Variants in PUM3 observed in about 807,000 individuals in gnomAD.
PUM3 encodes pumilio homolog 3.
In PUM3, 91 loss-of-function variants were observed where a neutral mutation model predicts 84.0. That is an observed-to-expected ratio of 1.08 (90% CI 0.91 to 1.29). PUM3 has a LOEUF of 1.29. Ranked by LOEUF, PUM3 falls within the 50% of genes most tolerant of loss-of-function variation. The probability of loss-of-function intolerance (pLI) is 0.00; values close to 1 mark genes in which losing one functional copy is unlikely to be tolerated. For missense variants in PUM3, 1,067 were observed against 767.5 expected (o/e 1.39, Z -4.61); for synonymous variants, 321 against 266.7 (o/e 1.20, Z -1.98).
chr9:2,840,954 A>G (rs571428641), intron 1 of PUM3, among the ~76,000 whole-genome samples: 2 of 152,234 alleles, frequency 1.3e-5, no homozygotes, highest in Non-Finnish European at 2.9e-5. Context: ...CAGATTCAGG[A>G]AACACATATA....
At chr9:2,810,653 C>T (rs143176292) in intron 15 of PUM3, among the ~76,000 whole-genome samples, 69 of 152,324 alleles carry the variant, frequency 4.5e-4, no homozygotes, top group African/African-American at 1.3e-3. Flanking sequence ...CCAGATAACA[C>T]AGCCACGGCA....
At chr9:2,828,152 G>A (rs148341733) in intron 9 of PUM3, among the ~76,000 whole-genome samples, 1 of 152,100 alleles carries the variant, frequency 6.6e-6, no homozygotes, top group Admixed American at 6.5e-5. Flanking sequence ...TGAGCCTCCT[G>A]CCTCTCAGCC....
chr9:2,811,670 A>G, intron 14 of PUM3, 87 bp from the exon 15 acceptor site: 1 of 884,314 alleles, frequency 1.1e-6, no homozygotes, highest in Non-Finnish European at 1.8e-6. Context: ...CTAAGAGCTT[A>G]TCACAGACTG....
chr9:2,811,477 C>T lies in PUM3; in HGVS notation c.1519G>A (p.Ala507Thr), dbSNP rs773006241. The change falls in exon 15 of 18, where the codon GCG (alanine) becomes ACG (threonine). Residue 507 changes from alanine (A) to threonine (T), a missense_variant. Physicochemically the swap from Ala to Thr is moderately conservative, Grantham distance 58. Coordinates refer to ENST00000397885, the MANE Select transcript of PUM3 (RefSeq NM_014878.5). ...HAQEVVLDKS[A>T]CVLVSDILGS... ...AGAATGTCAGACACCAACACACACGCAGACTTATCTAGCACCACTTCTTGG... is the reference window on the plus strand; with the variant it reads ...AGAATGTCAGACACCAACACACACGTAGACTTATCTAGCACCACTTCTTGG... The T allele has an allele frequency of 3.5e-5, 56 of 1,614,066 alleles. No individual in the cohort carries two copies. Among genetic ancestry groups the T allele is most frequent in the Admixed American group, 6.7e-5 (4 of 60,006 alleles).
chr9:2,823,604 C>T (rs904931788), intron 12 of PUM3, among the ~76,000 whole-genome samples, 177 bp downstream of exon 12: 3 of 152,046 alleles, frequency 2.0e-5, no homozygotes, highest in African/African-American at 7.2e-5. Flanking sequence ...ATGCATGTGA[C>T]ATGATTTCCA....
intron 3 of PUM3, among the ~76,000 whole-genome samples, chr9:2,836,970 T>G (rs1003535811): frequency 3.3e-5 from 5 of 152,190 alleles, no homozygotes; most frequent in African/African-American, 1.2e-4. Flanking sequence ...ATGGCTAAGG[T>G]AATTCAGAAA....
chr9:2,828,124 T>A (rs1815873288), intron 9 of PUM3, among the ~76,000 whole-genome samples: 1 of 152,188 alleles, frequency 6.6e-6, no homozygotes, highest in South Asian at 2.1e-4. Context: ...ACTGCAGCCA[T>A]GACCTCCTGG....
intron 13 of PUM3, among the ~76,000 whole-genome samples, chr9:2,817,450 T>G (rs767037474): frequency 4.6e-5 from 7 of 152,130 alleles, no homozygotes; most frequent in Non-Finnish European, 1.0e-4. Flanking sequence ...AAGGCTAAAA[T>G]AATTATTAAC....
In PUM3 at chr9:2,831,365, T is replaced by G. The variant is rs759996209; in HGVS notation, c.517-21A>C. ...GCAATCTGCAGGAAAAAGTTTGAGT[T>G]AGACTAATTCTCTTTTGAGACTTAT... On this transcript the variant is annotated intron_variant, in intron 5 of 17. Coordinates refer to ENST00000397885, the MANE Select transcript of PUM3 (RefSeq NM_014878.5). The G allele has an allele frequency of 2.7e-6, 4 of 1,457,760 alleles. No individual in the cohort carries two copies. The South Asian group carries it at 4.7e-5, about 17-fold the overall frequency. The allele number at this position is 1,457,760 out of a possible 1,614,324, so 90.3% of individuals were successfully genotyped here. A position where few individuals can be genotyped will look rare whatever the true frequency, so the allele number is the denominator to read the frequency against.
At chr9:2,842,750 C>T (rs1212876290) in intron 1 of PUM3, among the ~76,000 whole-genome samples, 3 of 152,166 alleles carry the variant, frequency 2.0e-5, no homozygotes, top group Non-Finnish European at 4.4e-5. Context: ...TCTGATACCT[C>T]TAATTATGTG....
intron 5 of PUM3, among the ~76,000 whole-genome samples, 179 bp downstream of exon 5, chr9:2,833,178 C>CTT (rs1365318367): frequency 2.0e-5 from 3 of 152,150 alleles, no homozygotes; most frequent in Non-Finnish European, 4.4e-5. Flanking sequence ...AACTCCCTAG[C>CTT]AGTAAGGTCC....
Position 2,812,230 on chromosome 9 carries a change from T to G in PUM3, c.1402A>C (p.Asn468His). The change falls in exon 14 of 18, where the codon AAT becomes CAT. Residue 468 changes from asparagine to histidine, a missense_variant. Physicochemically the swap from Asn to His is moderately conservative, Grantham distance 68 (BLOSUM62 1). Transcript: ENST00000397885. ...IIEVLQKGDG[N>H]AHSKKDTEVR... Reference sequence around the variant, plus strand: ...TCTACTTGGTTTTACCTGTGTGCATTTCCATCTCCTTTTTGCAGAACTTCA... The same window carrying G: ...TCTACTTGGTTTTACCTGTGTGCATGTCCATCTCCTTTTTGCAGAACTTCA... 5 of 1,613,780 alleles carry G rather than the reference T, an allele frequency of 3.1e-6. No individual in the cohort carries two copies. The highest frequency in any genetic ancestry group is 4.2e-6 in the Non-Finnish European group (5 of 1,179,774).
intron 16 of PUM3, among the ~76,000 whole-genome samples, chr9:2,809,957 C>G (rs1318325485): frequency 6.6e-6 from 1 of 152,014 alleles, no homozygotes; most frequent in African/African-American, 2.4e-5. Context: ...AATGTCATGC[C>G]TTTCTACTGA....
Sources: gnomAD v4.1 joint callset for allele counts (sites outside exome capture counted in the v4.1 genomes callset) on GRCh38, gnomAD v4.1.1 for gene constraint, MANE v1.5 for transcripts, NCBI Gene and HGNC (gene_info 2026-07-23, HGNC 2026-07-21) for gene names.